Variants in GPC6 observed in about 807,000 individuals in gnomAD.
GPC6 encodes glypican-6.
Under a neutral mutation model 55.2 loss-of-function variants are expected in GPC6, and 14 were observed. That is an observed-to-expected ratio of 0.25 (90% confidence interval 0.17 to 0.40). The LOEUF is 0.40. Ranked by LOEUF, GPC6 falls within the 10% of genes least tolerant of loss-of-function variation. The probability of loss-of-function intolerance (pLI) is 1.00; values close to 1 mark genes in which losing one functional copy is unlikely to be tolerated. For missense variants in GPC6, 641 were observed against 708.5 expected, an observed-to-expected ratio of 0.90 and a Z score of 1.08; for synonymous variants, 278 against 259.6, an observed-to-expected ratio of 1.07 and a Z score of -0.68.
chr13:94,037,610 C>A (rs145436591), intron 4 of GPC6, among the ~76,000 whole-genome samples: 3 of 152,068 alleles, frequency 2.0e-5, no homozygotes, highest in Admixed American at 2.0e-4. Flanking sequence ...ATATTATGAT[C>A]TCCATTTTGC....
At chr13:94,139,570 T>C (rs1887302634) in intron 4 of GPC6, among the ~76,000 whole-genome samples, 1 of 152,186 alleles carries the variant, frequency 6.6e-6, no homozygotes, top group South Asian at 2.1e-4. Flanking sequence ...TTTATTGTGA[T>C]AGCTGAAATG....
At chr13:93,322,659 C>CAGGTCACCT (rs1410612344) in intron 1 of GPC6, among the ~76,000 whole-genome samples, 52 of 151,760 alleles carry the variant, frequency 3.4e-4, no homozygotes, top group East Asian at 3.9e-4. Flanking sequence ...AGGCTGGTGT[C>CAGGTCACCT]GAACTCCTGA....
intron 4 of GPC6, among the ~76,000 whole-genome samples, chr13:94,246,240 C>T (rs945378795): frequency 2.0e-5 from 3 of 151,976 alleles, no homozygotes; most frequent in African/African-American, 7.2e-5. Context: ...TGTATTGGCT[C>T]TTTATAAATC....
intron 1 of GPC6, chr13:93,395,351 C>A: frequency 2.3e-6 from 1 of 435,890 alleles, no homozygotes; most frequent in South Asian, 2.4e-5. Flanking sequence ...ACAGTTGTGT[C>A]CATTCACAGG....
At chr13:94,062,803 A>G (rs1177252779) in intron 4 of GPC6, among the ~76,000 whole-genome samples, 1 of 152,226 alleles carries the variant, frequency 6.6e-6, no homozygotes, top group Non-Finnish European at 1.5e-5. Context: ...GTTGGTCAGA[A>G]TCATAGATAT....
At chr13:93,646,234 TTAA>T (rs1185943960) in intron 2 of GPC6, among the ~76,000 whole-genome samples, 1 of 152,158 alleles carries the variant, frequency 6.6e-6, no homozygotes, top group Non-Finnish European at 1.5e-5. Flanking sequence ...ATCACATTGA[TTAA>T]TGACCTGAAT....
intron 2 of GPC6, among the ~76,000 whole-genome samples, chr13:93,602,682 T>G (rs540983229): frequency 6.6e-6 from 1 of 152,192 alleles, no homozygotes; most frequent in East Asian, 1.9e-4. Context: ...ATATAAAATA[T>G]GGATGCAAGA....
At chr13:93,701,112 T>G (rs941541480) in intron 2 of GPC6, among the ~76,000 whole-genome samples, 1 of 152,078 alleles carries the variant, frequency 6.6e-6, no homozygotes, top group Non-Finnish European at 1.5e-5. Flanking sequence ...CCTTGAGAAT[T>G]TGACTTACAA....
intron 3 of GPC6, among the ~76,000 whole-genome samples, chr13:93,978,558 A>G (rs1880627736): frequency 6.6e-6 from 1 of 152,192 alleles, no homozygotes; most frequent in Non-Finnish European, 1.5e-5. Context: ...ACAGATACAT[A>G]TTATACACAT....
chr13:93,808,431 C>T (rs1039119557), intron 2 of GPC6, among the ~76,000 whole-genome samples: 7 of 152,168 alleles, frequency 4.6e-5, no homozygotes, highest in Admixed American at 1.3e-4. Flanking sequence ...TCTTTAAGTA[C>T]ATAATAACTC....
intron 2 of GPC6, among the ~76,000 whole-genome samples, chr13:93,780,434 C>G (rs1885602666): frequency 6.6e-6 from 1 of 152,068 alleles, no homozygotes; most frequent in South Asian, 2.1e-4. Context: ...TCAAATGACT[C>G]CTGGCTTAGT....
At chr13:93,899,421 G>A (rs1228390453) in intron 3 of GPC6, among the ~76,000 whole-genome samples, 3 of 151,522 alleles carry the variant, frequency 2.0e-5, no homozygotes. Flanking sequence ...TGAAGGATGG[G>A]TAAGAAGACA....
At chr13:93,696,005 A>C (rs986745108) in intron 2 of GPC6, among the ~76,000 whole-genome samples, 4 of 152,184 alleles carry the variant, frequency 2.6e-5, no homozygotes, top group Admixed American at 2.0e-4. Context: ...AATTTAATGC[A>C]GTGTTTGCAA....
intron 4 of GPC6, among the ~76,000 whole-genome samples, chr13:94,236,626 T>C (rs1890885355): frequency 6.6e-6 from 1 of 152,196 alleles, no homozygotes; most frequent in Non-Finnish European, 1.5e-5. Flanking sequence ...GGGAAAACTT[T>C]AAAATGAAAG....
chr13:93,771,216 T>G (rs1409673261), intron 2 of GPC6, among the ~76,000 whole-genome samples: 1 of 152,110 alleles, frequency 6.6e-6, no homozygotes, highest in African/African-American at 2.4e-5. Flanking sequence ...ACAAAGTACA[T>G]CAGTGAACTA....
intron 2 of GPC6, among the ~76,000 whole-genome samples, chr13:93,701,308 A>T (rs1321810214): frequency 6.6e-6 from 1 of 152,134 alleles, no homozygotes. Context: ...ATAATGTCAC[A>T]CAACATCATT....
At chr13:94,350,967 G>T (rs910550018) in intron 6 of GPC6, among the ~76,000 whole-genome samples, 2 of 152,168 alleles carry the variant, frequency 1.3e-5, no homozygotes, top group African/African-American at 2.4e-5. Context: ...GTTGGCCAGG[G>T]ATGACGCTGC....
intron 3 of GPC6, among the ~76,000 whole-genome samples, chr13:93,885,536 G>A (rs140726104): frequency 6.6e-6 from 1 of 151,902 alleles, no homozygotes; most frequent in African/African-American, 2.4e-5. Flanking sequence ...AAAAACCACT[G>A]GTAAGATTGA....
chr13:93,510,445 A>G (rs1880912423), intron 1 of GPC6, among the ~76,000 whole-genome samples: 1 of 152,106 alleles, frequency 6.6e-6, no homozygotes, highest in African/African-American at 2.4e-5. Context: ...TGGCTTATTC[A>G]CTTAAGTTAA....
Sources: allele counts gnomAD v4.1 joint callset (sites outside exome capture counted in the v4.1 genomes callset), GRCh38; gene constraint gnomAD v4.1.1; transcripts MANE v1.5; gene names NCBI Gene and HGNC (gene_info 2026-07-23, HGNC 2026-07-21).